ODR4: variants seen among roughly 807,000 people sequenced by gnomAD.
ODR4 encodes the protein protein odr-4 homolog.
Under a neutral mutation model 60.2 loss-of-function variants are expected in ODR4, and 47 were observed. The observed-to-expected ratio is 0.78, with a 90% CI of 0.62 to 1.00. The LOEUF (loss-of-function observed/expected upper bound fraction) is 1.00. ODR4 is among the 50% of genes least tolerant of loss of function. ODR4 has a pLI of 0.00. For missense variants in ODR4, 488 were observed against 530.8 expected, an observed-to-expected ratio of 0.92 and a Z score of 0.79; for synonymous variants, 178 against 175.5, an observed-to-expected ratio of 1.01 and a Z score of -0.11.
intron 1 of ODR4, among the ~76,000 whole-genome samples, chr1:186,377,861 C>G (rs1473902074): frequency 6.6e-6 from 1 of 152,102 alleles, no homozygotes; most frequent in Non-Finnish European, 1.5e-5. Flanking sequence ...CTGGCTAACA[C>G]GGTGAAACCC....
rs548234638 is a variant in ODR4, at chr1:186,399,889, G to T, written c.1000+845G>T. On this transcript the variant is annotated intron_variant, in intron 11 of 13. Coordinates refer to ENST00000287859, the MANE Select transcript of ODR4 (RefSeq NM_017847.6). ...GGGAAACATAACAATTTATACCATC[G>T]CAGTAATCTGTATTAAAAAATTTTT... is the stretch of plus-strand genomic sequence containing the variant. Among the ~76,000 whole-genome samples the T allele has an allele frequency of 1.5e-3, 224 of 151,426 alleles. 1 individual carries two copies. The highest frequency in any genetic ancestry group is 5.2e-3 in the African/African-American group (214 of 41,220).
chr1:186,392,959 C>T (rs1041395724), intron 8 of ODR4, among the ~76,000 whole-genome samples: 10 of 152,150 alleles, frequency 6.6e-5, no homozygotes, highest in Non-Finnish European at 7.4e-5. Context: ...GAGCCGAGAT[C>T]GTGCCACTGC....
intron 12 of ODR4, among the ~76,000 whole-genome samples, chr1:186,412,361 G>C (rs1188131059): frequency 2.0e-4 from 31 of 152,126 alleles, no homozygotes; most frequent in Non-Finnish European, 1.2e-4. Flanking sequence ...GGAAAGCTTA[G>C]AGCAGGTGAC....
intron 9 of ODR4, among the ~76,000 whole-genome samples, chr1:186,396,446 A>G (rs1660679249): frequency 1.3e-5 from 2 of 151,968 alleles, no homozygotes; most frequent in African/African-American, 4.8e-5. Flanking sequence ...TGTCTCTACA[A>G]AAAAATACAA....
chr1:186,397,566 C>G (rs1409294745), intron 9 of ODR4, among the ~76,000 whole-genome samples: 1 of 152,114 alleles, frequency 6.6e-6, no homozygotes, highest in African/African-American at 2.4e-5. Context: ...TTGAGCATCT[C>G]TAAGCCAAAA....
chr1:186,411,236 A>T (rs1171314800), intron 12 of ODR4, among the ~76,000 whole-genome samples: 1 of 152,064 alleles, frequency 6.6e-6, no homozygotes, highest in Non-Finnish European at 1.5e-5. Context: ...TTCAGAATTT[A>T]AAAAAATCTG....
downstream of ODR4, among the ~76,000 whole-genome samples, chr1:186,423,443 CTTTTT>C (rs34515188): frequency 2.7e-4 from 12 of 44,738 alleles, no homozygotes; most frequent in African/African-American, 8.4e-4. Context: ...ACTACTTGTG[CTTTTT>C]TTTTTTTTTT....
At chr1:186,426,557 C>T in the ODR4 span, among the ~76,000 whole-genome samples, 1 of 152,142 alleles carries the variant, frequency 6.6e-6, no homozygotes, top group South Asian at 2.1e-4. Context: ...TTCATCCTCT[C>T]AAGGCCTGGT....
intron 4 of ODR4, 97 bp downstream of exon 4, chr1:186,386,180 G>A (rs1660242900): frequency 1.6e-6 from 1 of 627,298 alleles, no homozygotes; most frequent in South Asian, 3.5e-5. Context: ...ATTTACATTT[G>A]TTTTCCATAA....
intron 12 of ODR4, among the ~76,000 whole-genome samples, chr1:186,414,990 C>G (rs1254821972): frequency 6.6e-6 from 1 of 151,564 alleles, no homozygotes; most frequent in Non-Finnish European, 1.5e-5. Flanking sequence ...GTATTATAGC[C>G]CTTGAGAAAA....
chr1:186,404,193 C>T (rs759941287), intron 11 of ODR4, among the ~76,000 whole-genome samples: 4 of 152,164 alleles, frequency 2.6e-5, no homozygotes, highest in Non-Finnish European at 5.9e-5. Flanking sequence ...GATACTATGA[C>T]ATGAGGATAT....
At chr1:186,404,511 A>G (rs1462203063) in intron 11 of ODR4, among the ~76,000 whole-genome samples, 3 of 152,182 alleles carry the variant, frequency 2.0e-5, no homozygotes, top group Non-Finnish European at 4.4e-5. Context: ...GTCATTTTTG[A>G]GTTTTTACTT....
chr1:186,414,136 A>G (rs1661467507), intron 12 of ODR4, among the ~76,000 whole-genome samples: 2 of 152,192 alleles, frequency 1.3e-5, no homozygotes, highest in African/African-American at 4.8e-5. Context: ...ACCAAAAATA[A>G]ACAGACAAAT....
At chr1:186,376,123 C>T (rs1356616103) in intron 1 of ODR4, 149 bp downstream of exon 1, 1 of 152,072 alleles carries the variant, frequency 6.6e-6, no homozygotes, top group Non-Finnish European at 1.5e-5. Flanking sequence ...AAACGGCGTA[C>T]CTAAATGGTT....
intron 11 of ODR4, among the ~76,000 whole-genome samples, chr1:186,402,186 T>TATTCTTTCTTTCTTTCTTTC: frequency 1.1e-5 from 1 of 91,570 alleles, no homozygotes; most frequent in Middle Eastern, 5.5e-3. Context: ...ATAGGCATCC[T>TATTCTTTCTTTCTTTCTTTC]ATTCTTTCTT....
rs546765307 is a variant in ODR4, at chr1:186,389,601, A to C, written c.451A>C (p.Thr151Pro). 6.5e-7 allele frequency: 1 copy of C among 1,540,798 alleles called. No homozygotes were observed. The highest frequency in any genetic ancestry group is 8.8e-7 in the Non-Finnish European group (1 of 1,135,072). ...TAATTAGTGAAGAATATTTTGTCGA[A>C]CTTATGATATCCATGATCCAAAGGT... The part of the protein sequence containing the change: ...CASTKKIFCR[T>P]YDIHDPKSSA... Residue 151 changes from threonine to proline, a missense_variant, in exon 6 of 14, where the codon ACT (threonine) becomes CCT (proline). By Grantham distance (38) the Thr-to-Pro change is conservative (BLOSUM62 -1). Coordinates refer to ENST00000287859, the MANE Select transcript of ODR4 (RefSeq NM_017847.6).
intron 12 of ODR4, among the ~76,000 whole-genome samples, chr1:186,413,889 T>G (rs1322285011): frequency 6.6e-6 from 1 of 152,216 alleles, no homozygotes; most frequent in Non-Finnish European, 1.5e-5. Context: ...CTGCAACTTT[T>G]GCATGCATTC....
rs1176449748 is a variant in ODR4, at chr1:186,420,738, A to G, written c.*1662A>G. ...GAGCAGTGAGGAGAAACAAGGAGCT[A>G]GAAAACATTGGAAAGTTAAGAGAGT... is the stretch of plus-strand genomic sequence containing the variant. On this transcript the variant is annotated 3_prime_UTR_variant, in exon 14 of 14. Coordinates refer to ENST00000287859, the MANE Select transcript of ODR4 (RefSeq NM_017847.6). The G allele has an allele frequency of 6.6e-6, 1 of 152,218 alleles. No homozygotes were observed. The highest frequency in any genetic ancestry group is 2.4e-5 in the African/African-American group (1 of 41,460). 9.4% of individuals were successfully genotyped at this position (152,218 alleles called of 1,614,324 possible). A position where few individuals can be genotyped will look rare whatever the true frequency, so the allele number is the denominator to read the frequency against.
Position 186,400,068 on chromosome 1 carries a change from T to C in ODR4, c.1000+1024T>C, listed in dbSNP as rs554854612. On this transcript the variant is annotated intron_variant, in intron 11 of 13. Transcript: ENST00000287859. ...GTGCAGTGGCGCGATCTCGACTCACTGCAAGCTCCGCCTCCCGGGTTCACG... is the reference window on the plus strand; with the variant it reads ...GTGCAGTGGCGCGATCTCGACTCACCGCAAGCTCCGCCTCCCGGGTTCACG... Among the ~76,000 whole-genome samples, 247 of 142,754 alleles carry C rather than the reference T, an allele frequency of 1.7e-3. 1 individual carries two copies. Among genetic ancestry groups the C allele is most frequent in the African/African-American group, 6.0e-3 (231 of 38,592 alleles). The allele number at this position is 142,754 out of a possible 152,430, so 93.7% of individuals were successfully genotyped here.
Sources: gnomAD v4.1 joint callset for allele counts (sites outside exome capture counted in the v4.1 genomes callset) on GRCh38, gnomAD v4.1.1 for gene constraint, MANE v1.5 for transcripts, NCBI Gene and HGNC (gene_info 2026-07-23, HGNC 2026-07-21) for gene names.